The following GNG2 variants were observed in gnomAD, a reference collection of about 807,000 sequenced individuals.
GNG2 encodes guanine nucleotide-binding protein G(I)/G(S)/G(O) subunit gamma-2.
A neutral mutation model predicts 5.5 loss-of-function variants in GNG2; 5 were observed. The observed-to-expected ratio is 0.91, with a 90% CI of 0.48 to 1.92. GNG2 has a LOEUF of 1.92. Among genes scored for constraint, GNG2 ranks in the 30% most tolerant of loss-of-function variants. The pLI, the probability that GNG2 is intolerant of heterozygous loss-of-function variation, is 0.01. For missense variants in GNG2, 55 were observed against 88.4 expected, an observed-to-expected ratio of 0.62 and a Z score of 1.52; for synonymous variants, 28 against 32.0, an observed-to-expected ratio of 0.88 and a Z score of 0.42.
At chr14:51,830,870 T>C (rs1340770839) in intron 2 of GNG2, among the ~76,000 whole-genome samples, 2 of 152,224 alleles carry the variant, frequency 1.3e-5, no homozygotes, top group Non-Finnish European at 2.9e-5. Context: ...CTCCAAAAGT[T>C]GTCCATTTCA....
intron 2 of GNG2, among the ~76,000 whole-genome samples, chr14:51,929,262 C>G (rs531712206): frequency 8.7e-4 from 133 of 152,314 alleles, no homozygotes; most frequent in African/African-American, 3.0e-3. Flanking sequence ...TCCTTTCCAG[C>G]TATTTTAAAT....
At position 51,966,816 on chromosome 14, in the gene GNG2, C is replaced by A; in HGVS notation, c.*129C>A. The stretch of plus-strand genomic sequence containing the variant: ...GGAGAACCATTCTGGAAACTCTAGG[C>A]TATGCATGTTTAAAGATCTGGTCCC... On this transcript the variant is annotated 3_prime_UTR_variant, in exon 4 of 4. Coordinates refer to ENST00000556766, the MANE Select transcript of GNG2 (RefSeq NM_053064.5). 2.7e-6 allele frequency: 2 copies of A among 749,914 alleles called. No homozygotes were observed. Among genetic ancestry groups the A allele is most frequent in the Non-Finnish European group, 4.5e-6 (2 of 446,860 alleles). 46.5% of individuals were successfully genotyped at this position (749,914 alleles called of 1,614,324 possible).
chr14:51,886,886 G>A (rs1245780595), intron 2 of GNG2, among the ~76,000 whole-genome samples: 2 of 152,302 alleles, frequency 1.3e-5, no homozygotes, highest in Admixed American at 6.5e-5. Context: ...AGGTGGAATA[G>A]GATGGAGAAT....
At chr14:51,907,753 G>A (rs778637303) in intron 2 of GNG2, among the ~76,000 whole-genome samples, 1 of 152,330 alleles carries the variant, frequency 6.6e-6, no homozygotes, top group Middle Eastern at 3.4e-3. Context: ...TCCCGGTGAT[G>A]TCCCTTGGAT....
At chr14:51,933,780 T>C (rs1022819870) in intron 2 of GNG2, among the ~76,000 whole-genome samples, 2 of 152,086 alleles carry the variant, frequency 1.3e-5, no homozygotes, top group Non-Finnish European at 2.9e-5. Flanking sequence ...CATGGGAGAA[T>C]ATGGGCGTTC....
chr14:51,909,091 A>T (rs1166284077), intron 2 of GNG2, among the ~76,000 whole-genome samples: 2 of 152,140 alleles, frequency 1.3e-5, no homozygotes, highest in African/African-American at 2.4e-5. Context: ...TTTTCACTTA[A>T]CAGTATATTA....
intron 2 of GNG2, among the ~76,000 whole-genome samples, chr14:51,833,706 T>C (rs1049999614): frequency 6.6e-6 from 1 of 152,222 alleles, no homozygotes; most frequent in African/African-American, 2.4e-5. Flanking sequence ...GGCATAGAAA[T>C]GATAATACTG....
chr14:51,836,362 G>A (rs193085271), intron 2 of GNG2, among the ~76,000 whole-genome samples: 1 of 152,196 alleles, frequency 6.6e-6, no homozygotes, highest in Admixed American at 6.5e-5. Context: ...ACTAGATTTG[G>A]AAGTGGTCTC....
chr14:51,837,950 G>A (rs903504345), intron 2 of GNG2, among the ~76,000 whole-genome samples: 6 of 152,028 alleles, frequency 3.9e-5, no homozygotes, highest in Admixed American at 1.3e-4. Context: ...TTTATACTGA[G>A]AGTTGTAAAA....
At chr14:51,942,713 CAGACCCGGT>C (rs1888416225) in intron 2 of GNG2, among the ~76,000 whole-genome samples, 2 of 150,988 alleles carry the variant, frequency 1.3e-5, no homozygotes, top group African/African-American at 4.9e-5. Context: ...CATGTGCCAC[CAGACCCGGT>C]TAGATTATTA....
intron 2 of GNG2, among the ~76,000 whole-genome samples, chr14:51,924,467 C>T: frequency 6.6e-6 from 1 of 152,082 alleles, no homozygotes; most frequent in Non-Finnish European, 1.5e-5. Flanking sequence ...GAAGATTGGG[C>T]CAATATGTGT....
At chr14:51,930,317 C>T (rs957583739) in intron 2 of GNG2, among the ~76,000 whole-genome samples, 2 of 152,236 alleles carry the variant, frequency 1.3e-5, no homozygotes, top group Non-Finnish European at 1.5e-5. Flanking sequence ...CTGACTAATC[C>T]ATACTCACTA....
At chr14:51,847,171 C>G (rs1245259932) in intron 2 of GNG2, 1 of 152,302 alleles carries the variant, frequency 6.6e-6, no homozygotes, top group Non-Finnish European at 1.5e-5. Context: ...CTGGCATCCC[C>G]AGGCAGGCTG....
chr14:51,911,564 G>T, intron 2 of GNG2, among the ~76,000 whole-genome samples: 1 of 149,552 alleles, frequency 6.7e-6, no homozygotes. Flanking sequence ...TTTTTTAAGA[G>T]ACAGAGTCTT....
chr14:51,941,061 A>ATATATATAC (rs2140264943), intron 2 of GNG2, among the ~76,000 whole-genome samples: 1 of 152,116 alleles, frequency 6.6e-6, no homozygotes, highest in East Asian at 1.9e-4. Context: ...GTGTGTATAT[A>ATATATATAC]TACATCATTT....
At chr14:51,936,436 T>C (rs1046248897) in intron 2 of GNG2, among the ~76,000 whole-genome samples, 15 of 151,716 alleles carry the variant, frequency 9.9e-5, no homozygotes, top group African/African-American at 3.4e-4. Context: ...CTAAATAGCT[T>C]CTTAAAATAG....
chr14:51,850,657 C>T (rs1325505416), intron 2 of GNG2, among the ~76,000 whole-genome samples: 11 of 152,212 alleles, frequency 7.2e-5, no homozygotes, highest in Admixed American at 6.5e-4. Flanking sequence ...TTAATTGGCT[C>T]TCCATTCTGC....
chr14:51,873,462 G>A (rs1372720608), intron 1 of GNG2, among the ~76,000 whole-genome samples: 2 of 152,240 alleles, frequency 1.3e-5, no homozygotes. Context: ...AGGAGAGAGT[G>A]AAGGGGTTTC....
chr14:51,871,792 A>G (rs1321035384), intron 1 of GNG2, among the ~76,000 whole-genome samples: 4 of 152,328 alleles, frequency 2.6e-5, no homozygotes, highest in African/African-American at 9.6e-5. Context: ...AAGGAAGCCT[A>G]TTATTGTCGG....
Sources: allele counts gnomAD v4.1 joint callset (sites outside exome capture counted in the v4.1 genomes callset), GRCh38; gene constraint gnomAD v4.1.1; transcripts MANE v1.5; gene names NCBI Gene and HGNC (gene_info 2026-07-23, HGNC 2026-07-21).